KDM4C: variants seen among roughly 807,000 people sequenced by gnomAD.
KDM4C encodes lysine-specific demethylase 4C.
In KDM4C, 81 loss-of-function variants were observed where a neutral mutation model predicts 129.3. That is an observed-to-expected ratio of 0.63 (90% CI 0.52 to 0.75). The LOEUF is 0.75. Ranked by LOEUF, KDM4C falls within the 30% of genes least tolerant of loss-of-function variation. KDM4C has a pLI of 0.00. For missense variants in KDM4C, 1,457 were observed against 1,304.0 expected, an observed-to-expected ratio of 1.12 and a Z score of -1.81; for synonymous variants, 573 against 456.1, an observed-to-expected ratio of 1.26 and a Z score of -3.26.
At chr9:7,144,667 C>T (rs1842057724) in intron 19 of KDM4C, among the ~76,000 whole-genome samples, 1 of 152,266 alleles carries the variant, frequency 6.6e-6, no homozygotes, top group Admixed American at 6.5e-5. Flanking sequence ...TTTCTTTCCC[C>T]TTTCCCGGAT....
chr9:7,171,364 G>C (rs1380632674), intron 21 of KDM4C, among the ~76,000 whole-genome samples: 2 of 152,194 alleles, frequency 1.3e-5, no homozygotes, highest in African/African-American at 4.8e-5. Flanking sequence ...ACTTGTCGCT[G>C]TTCTGAGACC....
chr9:6,949,586 C>T (rs957632907), intron 8 of KDM4C, among the ~76,000 whole-genome samples: 2 of 152,254 alleles, frequency 1.3e-5, no homozygotes, highest in African/African-American at 4.8e-5. Flanking sequence ...CATCTGCAAT[C>T]CCGGCACCTC....
intron 5 of KDM4C, among the ~76,000 whole-genome samples, chr9:6,865,082 C>T (rs144893127): frequency 0.098 from 14,522 of 147,914 alleles, 894 homozygotes; most frequent in South Asian, 0.21. Flanking sequence ...GATCTCGGCT[C>T]ACTGCAAGCT....
intron 17 of KDM4C, among the ~76,000 whole-genome samples, chr9:7,083,719 G>C (rs1444033808): frequency 6.9e-6 from 1 of 145,136 alleles, no homozygotes; most frequent in East Asian, 1.9e-4. Context: ...TGATGTGTGT[G>C]TGTGTGTGTG....
chr9:6,758,216 C>T lies in KDM4C; in HGVS notation c.-18+13C>T. On this transcript the variant is annotated intron_variant, in intron 1 of 21. Coordinates refer to ENST00000381309, the MANE Select transcript of KDM4C (RefSeq NM_015061.6). The surrounding 1 kb of genome is among the most constrained non-coding windows in gnomAD (Gnocchi z 4.6). ...ACCCGCGCGCCAGGTAACCGCTTTT[C>T]CGGAGTCTGGGGGCCAGGGCGGGGG... The T allele has an allele frequency of 5.1e-6, 5 of 985,728 alleles. No homozygotes were observed. The highest frequency in any genetic ancestry group is 6.0e-6 in the Non-Finnish European group (5 of 830,176). 61.1% of individuals were successfully genotyped at this position (985,728 alleles called of 1,614,324 possible). A position where few individuals can be genotyped will look rare whatever the true frequency, so the allele number is the denominator to read the frequency against.
At position 6,986,383 on chromosome 9, in the gene KDM4C, A is replaced by C. The variant is rs371610841; in HGVS notation, c.1394A>C (p.Lys465Thr). Residue 465 changes from lysine (K) to threonine (T), a missense_variant, in exon 11 of 22, where the codon AAA becomes ACA. Lys to Thr is a moderately conservative substitution (Grantham distance 78). Coordinates refer to ENST00000381309, the MANE Select transcript of KDM4C (RefSeq NM_015061.6). ...CLSTSVTEDIKTEDDKAYAYR... is the reference protein window; with the variant it reads ...CLSTSVTEDITTEDDKAYAYR... ...AGTACATCTGTAACAGAAGACATAA[A>C]AACTGAGGATGACAAAGCTTATGCA... 1.9e-6 allele frequency: 3 copies of C among 1,613,596 alleles called. No individual in the cohort carries two copies. The highest frequency in any genetic ancestry group is 2.7e-5 in the African/African-American group (2 of 75,050).
In KDM4C at chr9:6,860,109, G is replaced by T. The variant is rs984561474; in HGVS notation, c.629+10409G>T. ...AAAGAGAAACGTGCTCCTCATTTTG[G>T]GGGGCCAGACTGTGGCATAAGAAAG... On this transcript the variant is annotated intron_variant, in intron 5 of 21. Coordinates refer to ENST00000381309, the MANE Select transcript of KDM4C (RefSeq NM_015061.6). 4.6e-5 allele frequency among the ~76,000 whole-genome samples: 7 copies of T among 152,184 alleles called. No homozygotes were observed. In the South Asian group the frequency reaches 1.5e-3, roughly 32 times the overall value.
At chr9:6,796,831 C>A (rs1489012241) in intron 2 of KDM4C, among the ~76,000 whole-genome samples, 8 of 152,158 alleles carry the variant, frequency 5.3e-5, no homozygotes, top group Non-Finnish European at 4.4e-5. Flanking sequence ...GTTTTACTTA[C>A]TTTCCCTCTT....
In KDM4C at chr9:6,770,707, CGT is replaced by C. The variant is rs1177766752; in HGVS notation, c.-18+12505_-18+12506del. Among the ~76,000 whole-genome samples the C allele has an allele frequency of 6.5e-4, 78 of 119,788 alleles. 2 individuals carry two copies. The South Asian group carries it at 0.014, about 22-fold the overall frequency. The allele number at this position is 119,788 out of a possible 152,430, so 78.6% of individuals were successfully genotyped here. On this transcript the variant is annotated intron_variant, in intron 1 of 21. Coordinates refer to ENST00000381309, the MANE Select transcript of KDM4C (RefSeq NM_015061.6). Reference sequence around the variant, plus strand: ...GATTATTGTGTTTGATGTTTTTCAACGTCTTTTTTTTTTTTTTTCAATATAGC... The same window carrying C: ...GATTATTGTGTTTGATGTTTTTCAACCTTTTTTTTTTTTTTTCAATATAGC...
At chr9:6,839,858 G>A (rs183748870) in intron 4 of KDM4C, among the ~76,000 whole-genome samples, 14 of 152,112 alleles carry the variant, frequency 9.2e-5, no homozygotes, top group Admixed American at 3.9e-4. Flanking sequence ...AGCAGAGATC[G>A]CGTCACTGCA....
At chr9:6,885,839 C>G (rs1482128266) in intron 6 of KDM4C, among the ~76,000 whole-genome samples, 1 of 152,132 alleles carries the variant, frequency 6.6e-6, no homozygotes, top group Non-Finnish European at 1.5e-5. Context: ...AATATAAATT[C>G]TGAACCAATG....
At chr9:7,088,636 A>T (rs1738156256) in intron 17 of KDM4C, among the ~76,000 whole-genome samples, 1 of 152,150 alleles carries the variant, frequency 6.6e-6, no homozygotes, top group Admixed American at 6.5e-5. Context: ...AATGGATTAC[A>T]TTTGCTACAT....
chr9:6,792,761 C>T (rs1371181471), intron 1 of KDM4C, among the ~76,000 whole-genome samples: 1 of 152,092 alleles, frequency 6.6e-6, no homozygotes, highest in Non-Finnish European at 1.5e-5. Context: ...CTCTACCTGG[C>T]ATAGGGAACT....
chr9:7,050,117 C>T (rs1829939824), intron 17 of KDM4C, among the ~76,000 whole-genome samples: 1 of 152,002 alleles, frequency 6.6e-6, no homozygotes, highest in Non-Finnish European at 1.5e-5. Flanking sequence ...TATAGGAACT[C>T]ACAGTCTAGC....
intron 17 of KDM4C, among the ~76,000 whole-genome samples, chr9:7,078,405 T>A (rs554110971): frequency 6.6e-6 from 1 of 151,834 alleles, no homozygotes; most frequent in Non-Finnish European, 1.5e-5. Flanking sequence ...TTTTTTTTTG[T>A]CTTCAACACA....
chr9:7,069,605 A>G (rs1199951227), intron 17 of KDM4C, among the ~76,000 whole-genome samples: 1 of 152,190 alleles, frequency 6.6e-6, no homozygotes, highest in East Asian at 1.9e-4. Context: ...TTGTCTCTCA[A>G]TTTCCTCTAT....
At chr9:7,023,681 C>T (rs1197453412) in intron 15 of KDM4C, among the ~76,000 whole-genome samples, 3 of 151,836 alleles carry the variant, frequency 2.0e-5, no homozygotes, top group African/African-American at 4.8e-5. Flanking sequence ...TTTTGTGTTT[C>T]GTTTGCTCTT....
intron 4 of KDM4C, among the ~76,000 whole-genome samples, chr9:6,821,564 G>T (rs1185101143): frequency 2.6e-5 from 4 of 151,974 alleles, no homozygotes; most frequent in Non-Finnish European, 5.9e-5. Flanking sequence ...TTTTTGATGG[G>T]GTTGTTTGTT....
intron 8 of KDM4C, among the ~76,000 whole-genome samples, chr9:6,959,930 AAATACTGTAGGG>A (rs1192156013): frequency 1.1e-4 from 2 of 18,146 alleles, no homozygotes; most frequent in Non-Finnish European, 2.8e-4. Context: ...CTGTGGTATA[AAATACTGTAGGG>A]GCCTCTGCTG....
Sources: allele counts gnomAD v4.1 joint callset (sites outside exome capture counted in the v4.1 genomes callset), GRCh38; gene constraint gnomAD v4.1.1; non-coding constraint Gnocchi (gnomAD v3.1); transcripts MANE v1.5; gene names NCBI Gene and HGNC (gene_info 2026-07-23, HGNC 2026-07-21).